VTI1A: variants seen among roughly 807,000 people sequenced by gnomAD.
VTI1A encodes vesicle transport through interaction with t-SNAREs 1A.
VTI1A carries 22 observed loss-of-function variants against 34.9 expected under a neutral mutation model. The observed-to-expected ratio is 0.63, with a 90% CI of 0.45 to 0.90. The LOEUF (loss-of-function observed/expected upper bound fraction) is 0.90. Ranked by LOEUF, VTI1A falls within the 40% of genes least tolerant of loss-of-function variation. The pLI is 0.00. For missense variants in VTI1A, 268 were observed against 275.6 expected (o/e 0.97, Z 0.20); for synonymous variants, 87 against 97.3 (o/e 0.89, Z 0.62).
chr10:112,740,565 G>A (rs550518581), intron 7 of VTI1A, among the ~76,000 whole-genome samples: 34 of 152,362 alleles, frequency 2.2e-4, no homozygotes, highest in Admixed American at 1.9e-3. Flanking sequence ...GATTACAGGC[G>A]TGTGCCACGA....
In VTI1A at chr10:112,757,351, ATTTTTT is replaced by A. The variant is rs1175362768; in HGVS notation, c.561-57912_561-57907del. Among the ~76,000 whole-genome samples the A allele has an allele frequency of 2.2e-4, 9 of 40,690 alleles. 1 individual carries two copies. Among genetic ancestry groups the A allele is most frequent in the African/African-American group, 5.2e-4 (5 of 9,698 alleles). 26.7% of individuals were successfully genotyped at this position (40,690 alleles called of 152,430 possible). A position where few individuals can be genotyped will look rare whatever the true frequency, so the allele number is the denominator to read the frequency against. Reference sequence around the variant, plus strand: ...CTTTCACCCTTTCTTTGTTGCTGTGATTTTTTTTTTTTTTTTTTTTTTTTTTTTTTT... The same window carrying A: ...CTTTCACCCTTTCTTTGTTGCTGTGATTTTTTTTTTTTTTTTTTTTTTTTT... On this transcript the variant is annotated intron_variant, in intron 7 of 7. Transcript: ENST00000393077.
intron 5 of VTI1A, among the ~76,000 whole-genome samples, chr10:112,658,860 A>T (rs890755354): frequency 2.6e-5 from 4 of 152,162 alleles, no homozygotes; most frequent in African/African-American, 9.7e-5. Context: ...GTTTAAACAA[A>T]TTTTTCCTGT....
chr10:112,617,504 AAAT>A (rs1312142334), intron 5 of VTI1A, among the ~76,000 whole-genome samples: 2 of 152,182 alleles, frequency 1.3e-5, no homozygotes, highest in East Asian at 1.9e-4. Flanking sequence ...TTTAGATTAA[AAAT>A]AATAATAACA....
chr10:112,581,414 G>T (rs909217518), intron 5 of VTI1A, among the ~76,000 whole-genome samples: 3 of 152,110 alleles, frequency 2.0e-5, no homozygotes, highest in African/African-American at 7.2e-5. Flanking sequence ...TGAGTATGTG[G>T]TCTGATTTTT....
chr10:112,701,664 T>C (rs1036896633), intron 7 of VTI1A, among the ~76,000 whole-genome samples: 2 of 152,104 alleles, frequency 1.3e-5, no homozygotes, highest in African/African-American at 4.8e-5. Flanking sequence ...AGTTATGAAG[T>C]GAGATTATAC....
chr10:112,667,545 A>G (rs1051073918), intron 5 of VTI1A, among the ~76,000 whole-genome samples: 8 of 152,204 alleles, frequency 5.3e-5, no homozygotes, highest in Non-Finnish European at 8.8e-5. Flanking sequence ...TAAATTGCCT[A>G]TAACAGTATA....
At chr10:112,483,501 G>A (rs1564795207) in intron 3 of VTI1A, among the ~76,000 whole-genome samples, 1 of 152,184 alleles carries the variant, frequency 6.6e-6, no homozygotes, top group Non-Finnish European at 1.5e-5. Context: ...AACACTAGTG[G>A]TAATGGTAAG....
At position 112,678,619 on chromosome 10, in the gene VTI1A, G is replaced by A. The variant is rs542813118; in HGVS notation, c.560+9621G>A. ...TTCTTCGGCTGCCACCACCACTACC[G>A]CCACCATATTTTTTTGTTTGAACGC... On this transcript the variant is annotated intron_variant, in intron 7 of 7. Coordinates refer to ENST00000393077, the MANE Select transcript of VTI1A (RefSeq NM_145206.4). Among the ~76,000 whole-genome samples the A allele has an allele frequency of 2.2e-4, 33 of 152,160 alleles. 1 individual carries two copies. The highest frequency in any genetic ancestry group is 6.3e-4 in the African/African-American group (26 of 41,524).
At chr10:112,594,241 G>A (rs1467438434) in intron 5 of VTI1A, among the ~76,000 whole-genome samples, 9 of 152,140 alleles carry the variant, frequency 5.9e-5, no homozygotes, top group African/African-American at 1.2e-4. Context: ...ACTTCACACC[G>A]TGCACTTGTT....
chr10:112,567,261 T>C (rs2134350411), intron 5 of VTI1A, among the ~76,000 whole-genome samples: 1 of 152,276 alleles, frequency 6.6e-6, no homozygotes, highest in East Asian at 1.9e-4. Flanking sequence ...ACTCCTGGGC[T>C]GAAGTGATCC....
chr10:112,612,262 C>T (rs2044367), intron 5 of VTI1A, among the ~76,000 whole-genome samples: 79,756 of 151,878 alleles, frequency 0.53, 21,321 homozygotes, highest in Admixed American at 0.64. Context: ...AAGGAAAACA[C>T]GGTTTTAATT....
At chr10:112,645,050 A>T (rs1433514688) in intron 5 of VTI1A, among the ~76,000 whole-genome samples, 3 of 152,216 alleles carry the variant, frequency 2.0e-5, no homozygotes, top group African/African-American at 7.2e-5. Flanking sequence ...TATCAAGTAG[A>T]TTTTATAATG....
chr10:112,595,774 A>C (rs962424985), intron 5 of VTI1A, among the ~76,000 whole-genome samples: 1 of 151,066 alleles, frequency 6.6e-6, no homozygotes, highest in Non-Finnish European at 1.5e-5. Flanking sequence ...GGGATCTAGA[A>C]CTAGAAATAC....
intron 7 of VTI1A, among the ~76,000 whole-genome samples, chr10:112,788,180 C>T: frequency 6.6e-6 from 1 of 151,928 alleles, no homozygotes; most frequent in Non-Finnish European, 1.5e-5. Flanking sequence ...ATCTAGTCTA[C>T]TTAGTCTTCT....
At chr10:112,587,985 C>T (rs1331493232) in intron 5 of VTI1A, among the ~76,000 whole-genome samples, 1 of 151,840 alleles carries the variant, frequency 6.6e-6, no homozygotes, top group African/African-American at 2.4e-5. Context: ...CACTTCTTTC[C>T]CATTGAAATG....
At chr10:112,735,356 C>G (rs1590131303) in intron 7 of VTI1A, among the ~76,000 whole-genome samples, 1 of 152,180 alleles carries the variant, frequency 6.6e-6, no homozygotes, top group Non-Finnish European at 1.5e-5. Flanking sequence ...TTCTCCCAAC[C>G]CTCCAAATTC....
At chr10:112,633,501 A>G (rs1202319988) in intron 5 of VTI1A, among the ~76,000 whole-genome samples, 1 of 152,198 alleles carries the variant, frequency 6.6e-6, no homozygotes. Context: ...ATTGATCTTC[A>G]GACATTGAAA....
chr10:112,722,734 A>G (rs889271348), intron 7 of VTI1A, among the ~76,000 whole-genome samples: 3 of 152,164 alleles, frequency 2.0e-5, no homozygotes, highest in Non-Finnish European at 4.4e-5. Flanking sequence ...CCGCAGACCA[A>G]ATGAATCATA....
intron 7 of VTI1A, among the ~76,000 whole-genome samples, chr10:112,752,200 G>A (rs1851128297): frequency 6.6e-6 from 1 of 152,228 alleles, no homozygotes; most frequent in East Asian, 1.9e-4. Context: ...GAGGGTTGCA[G>A]ATGCTAATGA....
Sources: gnomAD v4.1 joint callset for allele counts (sites outside exome capture counted in the v4.1 genomes callset) on GRCh38, gnomAD v4.1.1 for gene constraint, MANE v1.5 for transcripts, NCBI Gene and HGNC (gene_info 2026-07-23, HGNC 2026-07-21) for gene names.